The following LRMDA variants were observed in gnomAD, a reference collection of about 807,000 sequenced individuals.
The protein encoded by LRMDA is leucine rich melanocyte differentiation associated.
LRMDA carries 18 observed loss-of-function variants against 29.8 expected under a neutral mutation model. That is an observed-to-expected ratio of 0.60 (90% CI 0.42 to 0.90). The LOEUF (loss-of-function observed/expected upper bound fraction) is 0.90, where lower values mean the gene tolerates loss of function less well. Among genes scored for constraint, LRMDA ranks in the 40% least tolerant of loss-of-function variants. The pLI is 0.00. For synonymous variants in LRMDA, 125 were observed against 109.4 expected (o/e 1.14, Z -0.89); for missense variants, 273 against 273.9 (o/e 1.00, Z 0.02).
At chr10:76,249,194 A>T (rs1356336161) in intron 5 of LRMDA, among the ~76,000 whole-genome samples, 1 of 152,112 alleles carries the variant, frequency 6.6e-6, no homozygotes, top group Non-Finnish European at 1.5e-5. Flanking sequence ...CCCCATTTTT[A>T]TGGGCAGCTT....
intron 2 of LRMDA, among the ~76,000 whole-genome samples, chr10:75,466,471 C>A (rs1263657669): frequency 6.6e-6 from 1 of 152,162 alleles, no homozygotes; most frequent in Non-Finnish European, 1.5e-5. Context: ...TCTCTGGGTG[C>A]TGTGGGAATT....
chr10:76,241,212 A>G (rs189696093), intron 5 of LRMDA, among the ~76,000 whole-genome samples: 115 of 152,202 alleles, frequency 7.6e-4, no homozygotes, highest in African/African-American at 2.7e-3. Flanking sequence ...ACTACTAAAG[A>G]CCTTATTCAT....
intron 2 of LRMDA, among the ~76,000 whole-genome samples, chr10:75,847,598 A>G (rs1051435644): frequency 2.6e-5 from 4 of 152,212 alleles, no homozygotes; most frequent in African/African-American, 9.6e-5. Flanking sequence ...TTTGCAAATC[A>G]TATATATGTA....
chr10:76,139,385 A>AT (rs1031563551), intron 5 of LRMDA, among the ~76,000 whole-genome samples: 4 of 151,650 alleles, frequency 2.6e-5, no homozygotes, highest in South Asian at 4.2e-4. Flanking sequence ...CTGTTTAGTA[A>AT]TTTTTTTTTC....
chr10:75,678,021 T>C (rs191017162), intron 2 of LRMDA, among the ~76,000 whole-genome samples: 2 of 152,338 alleles, frequency 1.3e-5, no homozygotes, highest in East Asian at 3.9e-4. Flanking sequence ...AAAGCTAAAC[T>C]GTGTTATTGA....
At chr10:76,454,553 C>T (rs1334734006) in intron 6 of LRMDA, among the ~76,000 whole-genome samples, 3 of 151,824 alleles carry the variant, frequency 2.0e-5, no homozygotes, top group Non-Finnish European at 4.4e-5. Flanking sequence ...AAAAAATGAC[C>T]CAGTGAGAAT....
At chr10:76,334,261 C>T (rs1012837158) in intron 6 of LRMDA, among the ~76,000 whole-genome samples, 4 of 152,218 alleles carry the variant, frequency 2.6e-5, no homozygotes, top group African/African-American at 9.6e-5. Flanking sequence ...CCAGTATTAA[C>T]TTCCTAGTCC....
At chr10:76,068,907 G>T (rs1304447043) in intron 5 of LRMDA, among the ~76,000 whole-genome samples, 1 of 152,184 alleles carries the variant, frequency 6.6e-6, no homozygotes, top group African/African-American at 2.4e-5. Context: ...CTCAGTGAGG[G>T]GCCAGATGCT....
chr10:76,156,202 T>A (rs1850534901), intron 5 of LRMDA, among the ~76,000 whole-genome samples: 2 of 152,170 alleles, frequency 1.3e-5, no homozygotes, highest in African/African-American at 4.8e-5. Flanking sequence ...GTTTACCATC[T>A]GAGCTGCTTC....
At chr10:76,214,842 C>A (rs372926847) in intron 5 of LRMDA, among the ~76,000 whole-genome samples, 7 of 152,304 alleles carry the variant, frequency 4.6e-5, no homozygotes, top group African/African-American at 1.7e-4. Flanking sequence ...GTGGCAGGAG[C>A]TGTACTTGGT....
chr10:75,943,289 A>T (rs564443834), intron 2 of LRMDA, among the ~76,000 whole-genome samples: 1 of 152,290 alleles, frequency 6.6e-6, no homozygotes, highest in Non-Finnish European at 1.5e-5. Context: ...ATCTCCTATG[A>T]CACTCATGGA....
chr10:75,641,388 T>C (rs1260901233), intron 2 of LRMDA, among the ~76,000 whole-genome samples: 1 of 135,584 alleles, frequency 7.4e-6, no homozygotes, highest in East Asian at 2.2e-4. Context: ...AATACATTAA[T>C]ATGTGGATAT....
At chr10:75,670,888 C>T (rs1184207224) in intron 2 of LRMDA, among the ~76,000 whole-genome samples, 2 of 152,138 alleles carry the variant, frequency 1.3e-5, no homozygotes, top group East Asian at 3.9e-4. Context: ...TTTTGCTCCT[C>T]TGCCAGTCCC....
At chr10:75,465,820 C>G (rs568193204) in intron 2 of LRMDA, among the ~76,000 whole-genome samples, 20 of 152,296 alleles carry the variant, frequency 1.3e-4, no homozygotes, top group African/African-American at 4.6e-4. Context: ...TATAAAATGA[C>G]CTTTCAATTG....
At chr10:76,133,883 A>T (rs1265149021) in intron 5 of LRMDA, among the ~76,000 whole-genome samples, 1 of 152,180 alleles carries the variant, frequency 6.6e-6, no homozygotes, top group Non-Finnish European at 1.5e-5. Context: ...GAGGCAAGTC[A>T]GGCAAAGTTG....
rs574012570 is a variant in LRMDA at position 76,484,353 on chromosome 10, A to C, written c.602-72856A>C. Among the ~76,000 whole-genome samples the C allele has an allele frequency of 2.6e-5, 4 of 151,978 alleles. No individual in the cohort carries two copies. In the South Asian group the frequency reaches 8.3e-4, roughly 31 times the overall value. ...TTAAAGGACATTTCTCAAAATCCCA[A>C]CATTTTAATTAGGGTAGCAATGAAA... On this transcript the variant is annotated intron_variant, in intron 6 of 6. Coordinates refer to ENST00000611255, the MANE Select transcript of LRMDA (RefSeq NM_001305581.2).
intron 2 of LRMDA, among the ~76,000 whole-genome samples, chr10:76,015,116 G>T (rs1347118568): frequency 6.6e-6 from 1 of 152,246 alleles, no homozygotes; most frequent in Non-Finnish European, 1.5e-5. Context: ...GAGGGACTTG[G>T]TTGGAAGATT....
chr10:76,519,146 CA>C (rs1331506018), intron 6 of LRMDA, among the ~76,000 whole-genome samples: 1 of 151,598 alleles, frequency 6.6e-6, no homozygotes, highest in African/African-American at 2.4e-5. Context: ...CCATCTCTAC[CA>C]AAAATACAAA....
rs10568061 is a variant in LRMDA, at chr10:76,518,280, C to CATCTATCTATCTATCT, written c.602-38897_602-38882dup. On this transcript the variant is annotated intron_variant, in intron 6 of 6. Transcript: ENST00000611255. ...CCTATCCATCTATCCATTTATCTAT[C>CATCTATCTATCTATCT]ATCTATCTATCTATCTATCTATCTA... Among the ~76,000 whole-genome samples, 395 of 146,672 alleles carry CATCTATCTATCTATCT rather than the reference C, an allele frequency of 2.7e-3. 1 individual carries two copies. The highest frequency in any genetic ancestry group is 4.9e-3 in the East Asian group (24 of 4,922).
Sources: allele counts gnomAD v4.1 joint callset (sites outside exome capture counted in the v4.1 genomes callset), GRCh38; gene constraint gnomAD v4.1.1; transcripts MANE v1.5; gene names NCBI Gene and HGNC (gene_info 2026-07-23, HGNC 2026-07-21).